The following TNNI3K variants were observed in gnomAD, a reference collection of about 807,000 sequenced individuals.
TNNI3K encodes the protein TNNI3 interacting kinase.
Under a neutral mutation model 114.5 loss-of-function variants are expected in TNNI3K, and 140 were observed. The observed-to-expected ratio is 1.22, with a 90% CI of 1.07 to 1.41. TNNI3K has a LOEUF of 1.41. TNNI3K is among the 40% of genes most tolerant of loss of function. TNNI3K has a pLI of 0.00. For synonymous variants in TNNI3K, 347 were observed against 347.5 expected (o/e 1.00, Z 0.02); for missense variants, 1,125 against 1,007.6 (o/e 1.12, Z -1.58).
intron 21 of TNNI3K, chr1:74,472,088 C>A: frequency 1.4e-6 from 1 of 717,154 alleles, no homozygotes; most frequent in East Asian, 2.7e-5. Context: ...CCATTGTCTT[C>A]TTTTTCTATT....
intron 24 of TNNI3K, among the ~76,000 whole-genome samples, chr1:74,542,702 A>G (rs1646740430): frequency 6.6e-6 from 1 of 152,232 alleles, no homozygotes; most frequent in African/African-American, 2.4e-5. Context: ...GAAAATGTAG[A>G]TGACTGGGTT....
intron 20 of TNNI3K, among the ~76,000 whole-genome samples, chr1:74,458,254 T>C (rs1023557733): frequency 9.2e-5 from 14 of 152,236 alleles, no homozygotes; most frequent in East Asian, 7.7e-4. Context: ...ACTCAGGTTC[T>C]CTGTCTTCAA....
intron 17 of TNNI3K, among the ~76,000 whole-genome samples, chr1:74,386,571 T>A (rs1442167652): frequency 6.6e-6 from 1 of 152,166 alleles, no homozygotes; most frequent in African/African-American, 2.4e-5. Context: ...ATAAATAATA[T>A]AATTCATGTG....
chr1:74,414,526 A>G (rs1374439631), intron 17 of TNNI3K, among the ~76,000 whole-genome samples: 4 of 152,174 alleles, frequency 2.6e-5, no homozygotes, highest in Non-Finnish European at 5.9e-5. Flanking sequence ...AGCAATGCCC[A>G]TTTTGATGTA....
chr1:74,489,364 A>T (rs1291852530), intron 22 of TNNI3K, 116 bp downstream of exon 22: 7 of 1,024,324 alleles, frequency 6.8e-6, no homozygotes, highest in Non-Finnish European at 9.9e-6. Context: ...CCATAACTCC[A>T]TCCATATTTG....
chr1:74,414,142 C>T (rs1179776538), intron 17 of TNNI3K, among the ~76,000 whole-genome samples: 3 of 152,090 alleles, frequency 2.0e-5, no homozygotes, highest in African/African-American at 4.8e-5. Context: ...GAATTAATCA[C>T]GGATTTAAAA....
rs541074601 is a variant in TNNI3K, at chr1:74,353,195, A to G, written c.933-71A>G. Reference sequence around the variant, plus strand: ...TTCAGCATATGATTTTTCGAGGTGTAGGGGAGAGGGCACAATTTAGTTCAT... The same window carrying G: ...TTCAGCATATGATTTTTCGAGGTGTGGGGGAGAGGGCACAATTTAGTTCAT... On this transcript the variant is annotated intron_variant, in intron 9 of 24. Transcript: ENST00000326637. 5.3e-6 allele frequency: 8 copies of G among 1,509,758 alleles called. 1 individual carries two copies. In the South Asian group the frequency reaches 9.7e-5, roughly 18 times the overall value. 93.5% of individuals were successfully genotyped at this position (1,509,758 alleles called of 1,614,324 possible).
intron 19 of TNNI3K, among the ~76,000 whole-genome samples, chr1:74,437,571 G>C (rs569166128): frequency 6.6e-6 from 1 of 151,798 alleles, no homozygotes; most frequent in Non-Finnish European, 1.5e-5. Context: ...GCAGGTGGGG[G>C]CAATAGTAAG....
chr1:74,510,189 G>A (rs576808314), intron 23 of TNNI3K, among the ~76,000 whole-genome samples: 1 of 152,214 alleles, frequency 6.6e-6, no homozygotes, highest in East Asian at 1.9e-4. Flanking sequence ...CAGTAGTAGA[G>A]AGGGCAATCA....
chr1:74,509,747 C>CTTTTTTTTTTTT (rs68193106), intron 23 of TNNI3K, among the ~76,000 whole-genome samples: 1 of 47,784 alleles, frequency 2.1e-5, no homozygotes, highest in African/African-American at 8.5e-5. Context: ...ATCTGAATTT[C>CTTTTTTTTTTTT]TTTTTTTTTT....
intron 21 of TNNI3K, among the ~76,000 whole-genome samples, chr1:74,477,733 A>G (rs1201288709): frequency 6.6e-6 from 1 of 152,174 alleles, no homozygotes; most frequent in Non-Finnish European, 1.5e-5. Flanking sequence ...GTCACTTTCC[A>G]TTAGTGCAGA....
At chr1:74,249,415 C>A in intron 2 of TNNI3K, 44 bp from the exon 3 acceptor site, 1 of 1,560,018 alleles carries the variant, frequency 6.4e-7, no homozygotes, top group African/African-American at 1.4e-5. Context: ...AGACAATATG[C>A]TAAAAGATGA....
Position 74,358,765 on chromosome 1 carries a change from ATAAG to A in TNNI3K, c.1177+4644_1177+4647del, listed in dbSNP as rs539218977. Among the ~76,000 whole-genome samples, 8 of 152,116 alleles carry A rather than the reference ATAAG, an allele frequency of 5.3e-5. No homozygotes were observed. In the South Asian group the frequency reaches 8.3e-4, roughly 16 times the overall value. ...GTTTAGCTGCTCTCTTTTAAAAAAA[ATAAG>A]TAAGTAAAATAATCTCAACTGTCAT... On this transcript the variant is annotated intron_variant, in intron 11 of 24. Transcript: ENST00000326637.
chr1:74,256,532 A>C (rs911393622), intron 4 of TNNI3K, among the ~76,000 whole-genome samples: 2 of 151,690 alleles, frequency 1.3e-5, no homozygotes, highest in East Asian at 1.9e-4. Flanking sequence ...CTTTTCTTGA[A>C]TATACTTTTG....
intron 17 of TNNI3K, chr1:74,374,552 C>T (rs571890732): frequency 6.6e-6 from 1 of 152,014 alleles, no homozygotes; most frequent in East Asian, 2.0e-4. Context: ...ATCAGCCTTA[C>T]TCTCTGTACT....
intron 17 of TNNI3K, among the ~76,000 whole-genome samples, chr1:74,386,233 A>G (rs2100558366): frequency 6.6e-6 from 1 of 152,314 alleles, no homozygotes; most frequent in East Asian, 1.9e-4. Flanking sequence ...CGTCTTTATT[A>G]GCAGTGTGAG....
intron 4 of TNNI3K, among the ~76,000 whole-genome samples, chr1:74,268,615 A>T (rs1220193314): frequency 2.0e-5 from 3 of 151,844 alleles, no homozygotes; most frequent in African/African-American, 7.2e-5. Flanking sequence ...TATAGGTATT[A>T]TCAGAACAAT....
intron 20 of TNNI3K, among the ~76,000 whole-genome samples, chr1:74,443,666 A>T (rs1666489050): frequency 1.3e-5 from 2 of 152,342 alleles, no homozygotes; most frequent in South Asian, 4.1e-4. Flanking sequence ...TTATGAGACC[A>T]GCATCATCCT....
chr1:74,293,640 A>G (rs1167240061), intron 5 of TNNI3K, among the ~76,000 whole-genome samples: 1 of 151,638 alleles, frequency 6.6e-6, no homozygotes, highest in Non-Finnish European at 1.5e-5. Context: ...GAATGATTCG[A>G]TTGCAAATAG....
Sources: gnomAD v4.1 joint callset for allele counts (sites outside exome capture counted in the v4.1 genomes callset) on GRCh38, gnomAD v4.1.1 for gene constraint, MANE v1.5 for transcripts, NCBI Gene and HGNC (gene_info 2026-07-23, HGNC 2026-07-21) for gene names.